IGSF9B: variants seen among roughly 807,000 people sequenced by gnomAD.
IGSF9B encodes protein turtle homolog B.
In IGSF9B, 48 loss-of-function variants were observed where a neutral mutation model predicts 143.7. That is an observed-to-expected ratio of 0.33 (90% confidence interval 0.26 to 0.42). The LOEUF (loss-of-function observed/expected upper bound fraction) is 0.42, where lower values mean the gene tolerates loss of function less well. Ranked by LOEUF, IGSF9B falls within the 20% of genes least tolerant of loss-of-function variation. The pLI is 1.00. For synonymous variants in IGSF9B, 903 were observed against 833.1 expected, an observed-to-expected ratio of 1.08 and a Z score of -1.44; for missense variants, 1,706 against 1,980.0, an observed-to-expected ratio of 0.86 and a Z score of 2.63.
rs1452916026 is a variant in IGSF9B at position 133,907,281 on chromosome 11, C to T, written c.*1788G>A. Reference sequence around the variant, plus strand: ...CGGTGTGGCACAGAAGAAGTCCATCCCCTAAGATGGAAACGCCAAGAAGAG... The same window carrying T: ...CGGTGTGGCACAGAAGAAGTCCATCTCCTAAGATGGAAACGCCAAGAAGAG... On this transcript the variant is annotated 3_prime_UTR_variant, in exon 20 of 20. Transcript: ENST00000533871. Among the ~76,000 whole-genome samples, 1 of 152,192 alleles carries T rather than the reference C, an allele frequency of 6.6e-6. No individual in the cohort carries two copies. Among genetic ancestry groups the T allele is most frequent in the East Asian group, 1.9e-4 (1 of 5,186 alleles).
intron 18 of IGSF9B, chr11:133,919,124 G>GGGGGT (rs1939457425): frequency 8.1e-6 from 3 of 368,418 alleles, no homozygotes; most frequent in Admixed American, 3.1e-5. Context: ...TATACGGGGG[G>GGGGGT]GGGGTGGGGG....
At position 133,945,125 on chromosome 11, in the gene IGSF9B, G is replaced by C. The variant is rs957652044; in HGVS notation, c.263-759C>G. 2.6e-5 allele frequency among the ~76,000 whole-genome samples: 4 copies of C among 152,184 alleles called. No individual in the cohort carries two copies. Among genetic ancestry groups the C allele is most frequent in the Non-Finnish European group, 5.9e-5 (4 of 68,026 alleles). Reference sequence around the variant, plus strand: ...CAATGAGGAGGCCAGAGGTGCAGAAGCCTCTTCCATGACGCCAGCAGGGTG... The same window carrying C: ...CAATGAGGAGGCCAGAGGTGCAGAACCCTCTTCCATGACGCCAGCAGGGTG... On this transcript the variant is annotated intron_variant, in intron 2 of 19. Transcript: ENST00000533871. The surrounding 1 kb of genome is among the most constrained non-coding windows in gnomAD (Gnocchi z 4.6).
At chr11:133,954,935 C>A (rs919116402) in intron 1 of IGSF9B, among the ~76,000 whole-genome samples, 1 of 152,192 alleles carries the variant, frequency 6.6e-6, no homozygotes, top group Non-Finnish European at 1.5e-5. Context: ...TTCTATCTTG[C>A]GATTCTGCGT....
chr11:133,924,766 C>T, intron 15 of IGSF9B, 54 bp downstream of exon 15: 1 of 1,417,136 alleles, frequency 7.1e-7, no homozygotes, highest in Non-Finnish European at 1.0e-6. Context: ...GACCCCCATG[C>T]AGCTCTGGGG....
chr11:133,954,183 G>A (rs559904792), intron 1 of IGSF9B, among the ~76,000 whole-genome samples: 5 of 152,236 alleles, frequency 3.3e-5, no homozygotes, highest in Middle Eastern at 3.4e-3. Context: ...CTGCTCACAC[G>A]AGCGGGCGCC....
At position 133,906,614 on chromosome 11, in the gene IGSF9B, T is replaced by C. The variant is rs569105414; in HGVS notation, c.*2455A>G. ...GGGGGTGCCCTGGAAGGCACAGCCA[T>C]GGCCTGAGCATCTCAGCCTCTCATG... On this transcript the variant is annotated 3_prime_UTR_variant, in exon 20 of 20. Transcript: ENST00000533871. Among the ~76,000 whole-genome samples the C allele has an allele frequency of 2.0e-4, 31 of 152,338 alleles. No individual in the cohort carries two copies. The South Asian group carries it at 6.2e-3, about 31-fold the overall frequency.
In IGSF9B at chr11:133,920,789, T is replaced by A; in HGVS notation, c.2936A>T (p.Glu979Val). 6.2e-7 allele frequency: 1 copy of A among 1,609,262 alleles called. No individual in the cohort carries two copies. The highest frequency in any genetic ancestry group is 8.5e-7 in the Non-Finnish European group (1 of 1,177,912). ...TTCTGGCACGTAGAACGGGGGCGGC[T>A]CCACCTCCCCAGGGCTGCTGCTGCT... ...YLSSSSPGEV[E>V]PPPFYVPEVG... Residue 979 changes from glutamate to valine, a missense_variant, in exon 18 of 20, where the codon GAG becomes GTG. Coordinates refer to ENST00000533871, the MANE Select transcript of IGSF9B (RefSeq NM_001277285.4).
Position 133,935,779 on chromosome 11 carries a change from G to A in IGSF9B, c.822-17C>T. 6.2e-7 allele frequency: 1 copy of A among 1,608,738 alleles called. No individual in the cohort carries two copies. Among genetic ancestry groups the A allele is most frequent in the Non-Finnish European group, 8.5e-7 (1 of 1,178,570 alleles). ...TTCAGGTCGCTGCAAAGCGGCATGG[G>A]GACAGGGGGTTGGGCGAGCAGAAGG... is the stretch of plus-strand genomic sequence containing the variant. On this transcript the variant is annotated splice_polypyrimidine_tract_variant and intron_variant, in intron 6 of 19. Transcript: ENST00000533871.
Position 133,928,790 on chromosome 11 carries a change from G to A in IGSF9B, c.1631+881C>T, listed in dbSNP as rs1288525040. Among the ~76,000 whole-genome samples the A allele has an allele frequency of 6.6e-6, 1 of 152,174 alleles. No homozygotes were observed. The highest frequency in any genetic ancestry group is 1.5e-5 in the Non-Finnish European group (1 of 68,034). On this transcript the variant is annotated intron_variant, in intron 12 of 19. Transcript: ENST00000533871. This position sits in a 1 kb window ranked among gnomAD's most constrained non-coding sequence, Gnocchi z 4.7. ...CCCGCTTGGCACATTTTTGAGATCTGTATCTACCCTAAGGTTTGCGCAAAG... is the reference window on the plus strand; with the variant it reads ...CCCGCTTGGCACATTTTTGAGATCTATATCTACCCTAAGGTTTGCGCAAAG...
rs111254337 is a variant in IGSF9B, at chr11:133,937,261, G to A, written c.679+115C>T. On this transcript the variant is annotated intron_variant, in intron 5 of 19. Coordinates refer to ENST00000533871, the MANE Select transcript of IGSF9B (RefSeq NM_001277285.4). ...GAGCCCCGCACAGGTCCTCATGGCC[G>A]CCTGCACCTCCACTAGCCCCAGCTG... 6,597 of 710,750 alleles carry A rather than the reference G, an allele frequency of 9.3e-3. 46 individuals carry two copies. Among genetic ancestry groups the A allele is most frequent in the Middle Eastern group, 0.023 (62 of 2,656 alleles). 44.0% of individuals were successfully genotyped at this position (710,750 alleles called of 1,614,324 possible). A position where few individuals can be genotyped will look rare whatever the true frequency, so the allele number is the denominator to read the frequency against.
rs773203344 is a variant in IGSF9B, at chr11:133,920,802, GGCT to G, written c.2920_2922del (p.Ser974del). ...AACGGGGGCGGCTCCACCTCCCCAG[GGCT>G]GCTGCTGCTGAGGTACCCATAATAC... is the stretch of plus-strand genomic sequence containing the variant. On this transcript the variant is annotated inframe_deletion, in exon 18 of 20. Transcript: ENST00000533871. 2.3e-5 allele frequency: 37 copies of G among 1,607,652 alleles called. No individual in the cohort carries two copies. The African/African-American group carries it at 3.9e-4, about 17-fold the overall frequency.
intron 1 of IGSF9B, among the ~76,000 whole-genome samples, chr11:133,952,649 C>T (rs1398495026): frequency 7.6e-6 from 1 of 132,062 alleles, no homozygotes; most frequent in Non-Finnish European, 1.5e-5. Context: ...GGCACATGTG[C>T]ACACACATAC....
rs760102783 is a variant in IGSF9B, at chr11:133,919,796, G to A, written c.3929C>T (p.Thr1310Met). Reference protein sequence around the residue: ...VFGQTPSPRRTGEELLRPETP... With the variant: ...VFGQTPSPRRMGEELLRPETP... ...CTCCGGTCGGAGCAATTCCTCCCCC[G>A]TCCTTCGAGGGGAAGGCGTCTGTCC... Residue 1310 changes from threonine (T) to methionine (M), a missense_variant, in exon 18 of 20, where the codon ACG becomes ATG. Physicochemically the swap from Thr to Met is moderately conservative, Grantham distance 81. Transcript: ENST00000533871. 6 of 1,505,210 alleles carry A rather than the reference G, an allele frequency of 4.0e-6. No homozygotes were observed. The highest frequency in any genetic ancestry group is 2.3e-5 in the East Asian group (1 of 43,000). 93.2% of individuals were successfully genotyped at this position (1,505,210 alleles called of 1,614,324 possible). A position where few individuals can be genotyped will look rare whatever the true frequency, so the allele number is the denominator to read the frequency against.
At position 133,903,999 on chromosome 11, in the gene IGSF9B, C is replaced by T. The variant is rs561758047; in HGVS notation, c.*5070G>A. Among the ~76,000 whole-genome samples, 10 of 152,318 alleles carry T rather than the reference C, an allele frequency of 6.6e-5. No homozygotes were observed. The highest frequency in any genetic ancestry group is 2.2e-4 in the African/African-American group (9 of 41,560). ...CATTAAAGAGAGAAGAATGGCTGGT[C>T]AAGCCAAGAGTTTCAGGTGAAACTC... On this transcript the variant is annotated 3_prime_UTR_variant, in exon 20 of 20. Coordinates refer to ENST00000533871, the MANE Select transcript of IGSF9B (RefSeq NM_001277285.4).
Position 133,920,916 on chromosome 11 carries a change from G to GC in IGSF9B, c.2808dup (p.Leu937AlafsTer102). The GC allele has an allele frequency of 6.2e-7, 1 of 1,609,408 alleles. No individual in the cohort carries two copies. Among genetic ancestry groups the GC allele is most frequent in the South Asian group, 1.1e-5 (1 of 90,990 alleles). On this transcript the variant is annotated frameshift_variant, in exon 18 of 20. Transcript: ENST00000533871. LOFTEE classifies it high-confidence loss of function. The stretch of plus-strand genomic sequence containing the variant: ...CCTTCCAGGCCACCGGGGCCCTCCA[G>GC]CCCGCGGGGCTGGAACCGAGGGCTG...
Position 133,921,103 on chromosome 11 carries a change from G to T in IGSF9B, c.2622C>A (p.Ile874=), listed in dbSNP as rs368087626. 6.2e-7 allele frequency: 1 copy of T among 1,613,840 alleles called. No homozygotes were observed. ...TCTCCTCGGCGAAGGGGAAGCCCTC[G>T]ATGCGCCTGCTCTTCAGCGAGGGCT... ...EMEPSLKSRR[I]EGFPFAEETD... is the part of the protein sequence containing the mutation. The change falls in exon 18 of 20, where the codon ATC becomes ATA. Residue 874 remains isoleucine, a synonymous_variant. Coordinates refer to ENST00000533871, the MANE Select transcript of IGSF9B (RefSeq NM_001277285.4).
chr11:133,934,992 G>A (rs950903213), intron 7 of IGSF9B, among the ~76,000 whole-genome samples: 2 of 152,242 alleles, frequency 1.3e-5, no homozygotes, highest in African/African-American at 2.4e-5. Context: ...GCCAGGGGGC[G>A]GGAAAGCAAC....
intron 3 of IGSF9B, among the ~76,000 whole-genome samples, chr11:133,943,817 A>G (rs1410944277): frequency 1.3e-5 from 2 of 152,202 alleles, no homozygotes; most frequent in Non-Finnish European, 2.9e-5. Flanking sequence ...CTAAAAAGAA[A>G]GACTAACTCT....
intron 1 of IGSF9B, 38 bp downstream of exon 1, chr11:133,956,653 C>T: frequency 2.1e-6 from 3 of 1,440,972 alleles, no homozygotes; most frequent in African/African-American, 3.0e-5. Context: ...CCGAGGGCGC[C>T]GGGAGGGGCA....
Sources: gnomAD v4.1 joint callset for allele counts (sites outside exome capture counted in the v4.1 genomes callset) on GRCh38, gnomAD v4.1.1 for gene constraint, Gnocchi (gnomAD v3.1) non-coding constraint, MANE v1.5 for transcripts, NCBI Gene and HGNC (gene_info 2026-07-23, HGNC 2026-07-21) for gene names.